PAK2: variants seen among roughly 807,000 people sequenced by gnomAD.
The protein encoded by PAK2 is p21 (RAC1) activated kinase 2.
A neutral mutation model predicts 65.9 loss-of-function variants in PAK2; 21 were observed. The observed-to-expected ratio is 0.32, with a 90% CI of 0.23 to 0.46. The LOEUF (loss-of-function observed/expected upper bound fraction) is 0.46, where lower values mean the gene tolerates loss of function less well. PAK2 is among the 20% of genes least tolerant of loss of function. The probability of loss-of-function intolerance (pLI) is 1.00; values close to 1 mark genes in which losing one functional copy is unlikely to be tolerated. For synonymous variants in PAK2, 204 were observed against 219.7 expected (o/e 0.93, Z 0.63); for missense variants, 324 against 642.6 (o/e 0.50, Z 5.36).
chr3:196,761,915 G>C (rs1366240144), intron 1 of PAK2, among the ~76,000 whole-genome samples: 1 of 144,020 alleles, frequency 6.9e-6, no homozygotes, highest in Non-Finnish European at 1.5e-5. Flanking sequence ...TGGCTGCCGG[G>C]CGGAGAGGCT....
chr3:196,763,313 C>T (rs1360370999), intron 1 of PAK2, among the ~76,000 whole-genome samples: 1 of 152,142 alleles, frequency 6.6e-6, no homozygotes, highest in Non-Finnish European at 1.5e-5. Flanking sequence ...GTGCTGCTGG[C>T]CACCTTCCCC....
At chr3:196,808,807 G>A (rs753076417) in intron 7 of PAK2, among the ~76,000 whole-genome samples, 1 of 152,126 alleles carries the variant, frequency 6.6e-6, no homozygotes. Flanking sequence ...ATTGCAGTGA[G>A]CCGAGATCGT....
At chr3:196,813,511 G>A (rs544331547) in intron 10 of PAK2, among the ~76,000 whole-genome samples, 24 of 151,778 alleles carry the variant, frequency 1.6e-4, no homozygotes, top group African/African-American at 5.6e-4. Context: ...CTGCATGAGA[G>A]AAGATTCGTT....
At chr3:196,816,353 C>T (rs1474525236) in intron 11 of PAK2, among the ~76,000 whole-genome samples, 1 of 152,090 alleles carries the variant, frequency 6.6e-6, no homozygotes, top group African/African-American at 2.4e-5. Context: ...AATAAGAACT[C>T]TTGAATAGAA....
At chr3:196,760,621 G>A (rs377598280) in intron 1 of PAK2, among the ~76,000 whole-genome samples, 3 of 152,120 alleles carry the variant, frequency 2.0e-5, no homozygotes, top group Admixed American at 6.5e-5. Context: ...ATGTGCAGCC[G>A]CATTATGGGC....
intron 13 of PAK2, among the ~76,000 whole-genome samples, chr3:196,823,552 CA>C (rs1318998265): frequency 6.6e-6 from 1 of 151,542 alleles, no homozygotes; most frequent in Admixed American, 6.6e-5. Flanking sequence ...CGCAAACAAA[CA>C]AACAAACAAA....
At chr3:196,748,421 A>G (rs965141323) in intron 1 of PAK2, among the ~76,000 whole-genome samples, 3 of 152,162 alleles carry the variant, frequency 2.0e-5, no homozygotes, top group African/African-American at 7.2e-5. Context: ...GTATAACAAC[A>G]TGTCTCCACC....
chr3:196,823,399 C>G (rs1010599253), intron 13 of PAK2, among the ~76,000 whole-genome samples: 1 of 152,058 alleles, frequency 6.6e-6, no homozygotes, highest in Non-Finnish European at 1.5e-5. Flanking sequence ...CAGTGGCCTT[C>G]ACTGTGGCAA....
intron 2 of PAK2, among the ~76,000 whole-genome samples, chr3:196,792,463 C>G (rs1218550120): frequency 6.6e-6 from 1 of 152,160 alleles, no homozygotes; most frequent in Non-Finnish European, 1.5e-5. Flanking sequence ...TCCTTTCCCT[C>G]TGCTCCTGTC....
intron 1 of PAK2, among the ~76,000 whole-genome samples, chr3:196,782,340 G>A (rs551158722): frequency 6.7e-6 from 1 of 150,142 alleles, no homozygotes; most frequent in South Asian, 2.1e-4. Context: ...TCTTTCTATT[G>A]AGAAGGTCTC....
intron 8 of PAK2, among the ~76,000 whole-genome samples, chr3:196,811,226 TTC>T (rs1715785624): frequency 5.2e-4 from 2 of 3,838 alleles, no homozygotes; most frequent in African/African-American, 1.5e-3. Context: ...CCTCCCTCCC[TTC>T]CCTTCCCTTC....
chr3:196,775,176 G>T (rs551161473), intron 1 of PAK2, among the ~76,000 whole-genome samples: 7 of 152,224 alleles, frequency 4.6e-5, no homozygotes, highest in Non-Finnish European at 1.0e-4. Context: ...ATTAAATTAG[G>T]GTTTTGTTCA....
At chr3:196,796,000 C>T (rs1047589196) in intron 2 of PAK2, among the ~76,000 whole-genome samples, 5 of 152,212 alleles carry the variant, frequency 3.3e-5, no homozygotes, top group Non-Finnish European at 7.3e-5. Context: ...TCATAAGAAG[C>T]GCACAACCTG....
chr3:196,754,053 C>A (rs1192194677), intron 1 of PAK2, among the ~76,000 whole-genome samples: 3 of 152,136 alleles, frequency 2.0e-5, no homozygotes, highest in African/African-American at 7.2e-5. Flanking sequence ...TTCTTTTTCA[C>A]TTCTAATGTT....
chr3:196,825,239 G>T (rs1190278424), intron 13 of PAK2, among the ~76,000 whole-genome samples: 9 of 60,218 alleles, frequency 1.5e-4, no homozygotes, highest in Non-Finnish European at 2.8e-4. Flanking sequence ...CCAGCTACTC[G>T]GGAGGCTGAG....
intron 1 of PAK2, among the ~76,000 whole-genome samples, chr3:196,755,454 C>T (rs983838514): frequency 8.6e-5 from 10 of 115,944 alleles, no homozygotes; most frequent in African/African-American, 1.7e-4. Context: ...TTTCTTCTTC[C>T]GACTTTTTTT....
At chr3:196,773,024 C>T (rs770419027) in intron 1 of PAK2, among the ~76,000 whole-genome samples, 5 of 152,106 alleles carry the variant, frequency 3.3e-5, no homozygotes, top group Non-Finnish European at 5.9e-5. Context: ...TTGGGCTGAC[C>T]GGTTCCAGAT....
intron 1 of PAK2, among the ~76,000 whole-genome samples, chr3:196,763,073 C>T (rs1159773336): frequency 1.3e-5 from 2 of 152,274 alleles, no homozygotes; most frequent in South Asian, 2.1e-4. Context: ...ACCCCCCACC[C>T]CCTGCCTGGG....
At chr3:196,804,393 G>C (rs753304692) in intron 4 of PAK2, among the ~76,000 whole-genome samples, 3 of 152,088 alleles carry the variant, frequency 2.0e-5, no homozygotes, top group African/African-American at 4.8e-5. Flanking sequence ...ACCAATGTTT[G>C]ACCACAAAAT....
Sources: gnomAD v4.1 joint callset for allele counts (sites outside exome capture counted in the v4.1 genomes callset) on GRCh38, gnomAD v4.1.1 for gene constraint, MANE v1.5 for transcripts, NCBI Gene and HGNC (gene_info 2026-07-23, HGNC 2026-07-21) for gene names.